CPEB3: variants seen among roughly 807,000 people sequenced by gnomAD.
CPEB3 encodes the protein cytoplasmic polyadenylation element-binding protein 3.
CPEB3 carries 20 observed loss-of-function variants against 67.2 expected under a neutral mutation model. The ratio of observed to expected loss-of-function variants is 0.30; its 90% CI spans 0.21 to 0.43. The LOEUF (loss-of-function observed/expected upper bound fraction) is 0.43. Among genes scored for constraint, CPEB3 ranks in the 20% least tolerant of loss-of-function variants. The pLI is 1.00. For missense variants in CPEB3, 746 were observed against 968.6 expected, an observed-to-expected ratio of 0.77 and a Z score of 3.05; for synonymous variants, 376 against 393.1, an observed-to-expected ratio of 0.96 and a Z score of 0.51.
intron 2 of CPEB3, among the ~76,000 whole-genome samples, chr10:92,218,956 T>A (rs1174941411): frequency 6.6e-6 from 1 of 152,166 alleles, no homozygotes; most frequent in African/African-American, 2.4e-5. Context: ...TCTATATATC[T>A]TTTTATAATA....
At chr10:92,282,761 T>G (rs560419804) in intron 1 of CPEB3, among the ~76,000 whole-genome samples, 5 of 152,296 alleles carry the variant, frequency 3.3e-5, no homozygotes, top group African/African-American at 1.2e-4. Flanking sequence ...CAAAGTCTCC[T>G]CTTAATGTCC....
chr10:92,205,266 T>C (rs925788118), intron 2 of CPEB3, among the ~76,000 whole-genome samples: 10 of 152,096 alleles, frequency 6.6e-5, no homozygotes, highest in African/African-American at 2.4e-4. Flanking sequence ...GAGAGGAAAA[T>C]GGATGTGTAT....
intron 2 of CPEB3, among the ~76,000 whole-genome samples, chr10:92,203,503 T>A (rs1222869591): frequency 7.9e-6 from 1 of 126,446 alleles, no homozygotes; most frequent in Non-Finnish European, 1.6e-5. Flanking sequence ...TATATATATG[T>A]GTGTGTATAT....
intron 2 of CPEB3, among the ~76,000 whole-genome samples, chr10:92,205,369 A>G (rs1181623148): frequency 6.6e-6 from 1 of 151,758 alleles, no homozygotes; most frequent in African/African-American, 2.4e-5. Flanking sequence ...GCTGATGAGT[A>G]TCTCATTGGA....
intron 4 of CPEB3, among the ~76,000 whole-genome samples, chr10:92,171,214 ATT>A (rs1847984941): frequency 1.3e-5 from 2 of 152,218 alleles, no homozygotes. Flanking sequence ...GAAGCTGCTC[ATT>A]CATATCAGCC....
intron 9 of CPEB3, among the ~76,000 whole-genome samples, chr10:92,079,808 G>T (rs1400043588): frequency 6.6e-5 from 10 of 152,140 alleles, no homozygotes; most frequent in African/African-American, 2.4e-4. Flanking sequence ...ATATAGAACA[G>T]ATTTACTACT....
chr10:92,059,284 G>A (rs1220080770), intron 9 of CPEB3, among the ~76,000 whole-genome samples: 4 of 133,298 alleles, frequency 3.0e-5, no homozygotes, highest in South Asian at 2.4e-4. Context: ...GAGATATTGC[G>A]CCATTGCACT....
chr10:92,047,862 CATCT>C lies in CPEB3; in HGVS notation c.*4346_*4349del, dbSNP rs1171890103. 2 of 152,208 alleles carry C rather than the reference CATCT, an allele frequency of 1.3e-5. No homozygotes were observed. The highest frequency in any genetic ancestry group is 4.8e-5 in the African/African-American group (2 of 41,448). The allele number at this position is 152,208 out of a possible 1,614,324, so 9.4% of individuals were successfully genotyped here. A position where few individuals can be genotyped will look rare whatever the true frequency, so the allele number is the denominator to read the frequency against. On this transcript the variant is annotated 3_prime_UTR_variant, in exon 10 of 10. Transcript: ENST00000265997. Reference sequence around the variant, plus strand: ...CCATCAACCACTAGTAGAAACATATCATCTATCTGGATCAAGTCATTGGCTGTTC... The same window carrying C: ...CCATCAACCACTAGTAGAAACATATCATCTGGATCAAGTCATTGGCTGTTC...
At chr10:92,121,505 A>G (rs1845384276) in intron 6 of CPEB3, among the ~76,000 whole-genome samples, 4 of 151,246 alleles carry the variant, frequency 2.6e-5, no homozygotes, top group Admixed American at 2.6e-4. Context: ...TTATTCTTAG[A>G]GCTTTTTTGT....
rs1418409604 is a variant in CPEB3, at chr10:92,065,212, CTTTTTAA to C, written c.1870-12780_1870-12774del. 5.3e-5 allele frequency among the ~76,000 whole-genome samples: 8 copies of C among 152,184 alleles called. No individual in the cohort carries two copies. The East Asian group carries it at 5.8e-4, about 11-fold the overall frequency. On this transcript the variant is annotated intron_variant, in intron 9 of 9. Coordinates refer to ENST00000265997, the MANE Select transcript of CPEB3 (RefSeq NM_014912.5). The stretch of plus-strand genomic sequence containing the variant: ...CAATCAAGAGAAGAGAATTTCTTTA[CTTTTTAA>C]TTTTTAATTTTACTTTTGAGACAGG...
chr10:92,097,212 T>C (rs1170416573), intron 7 of CPEB3, among the ~76,000 whole-genome samples: 5 of 152,220 alleles, frequency 3.3e-5, no homozygotes, highest in Non-Finnish European at 2.9e-5. Flanking sequence ...GAAATTCAGA[T>C]TTTTAAGTGA....
chr10:92,267,730 T>C (rs1853125258), intron 1 of CPEB3, among the ~76,000 whole-genome samples: 1 of 152,198 alleles, frequency 6.6e-6, no homozygotes. Context: ...ACACCTCCAA[T>C]GAAAGCCATG....
At chr10:92,245,331 T>C (rs1169268678) in intron 1 of CPEB3, among the ~76,000 whole-genome samples, 2 of 151,800 alleles carry the variant, frequency 1.3e-5, no homozygotes, top group East Asian at 3.9e-4. Flanking sequence ...AGAGACAAGG[T>C]TTCACAACAG....
chr10:92,138,294 G>A (rs1481533590), intron 6 of CPEB3: 1 of 220,052 alleles, frequency 4.5e-6, no homozygotes, highest in African/African-American at 2.3e-5. Context: ...AAGAAGACAA[G>A]AGGACTCTTT....
At chr10:92,258,645 T>TATATAC (rs1852641537) in intron 1 of CPEB3, among the ~76,000 whole-genome samples, 1 of 32,544 alleles carries the variant, frequency 3.1e-5, no homozygotes, top group African/African-American at 6.1e-5. Flanking sequence ...TATATATATA[T>TATATAC]ATATATATAT....
At chr10:92,107,516 T>C (rs1844531376) in intron 7 of CPEB3, among the ~76,000 whole-genome samples, 1 of 152,238 alleles carries the variant, frequency 6.6e-6, no homozygotes, top group Non-Finnish European at 1.5e-5. Flanking sequence ...CTAGACCTTC[T>C]AGGTCCCTTG....
At position 92,234,644 on chromosome 10, in the gene CPEB3, A is replaced by G. The variant is rs183314788; in HGVS notation, c.1005+4702T>C. On this transcript the variant is annotated intron_variant, in intron 2 of 9. Transcript: ENST00000265997. ...TTTATTTGTCAATATAACAAGGATA[A>G]TAGGCCGGGCACAGTGGCTCATGCC... is the stretch of plus-strand genomic sequence containing the variant. Among the ~76,000 whole-genome samples, 478 of 152,310 alleles carry G rather than the reference A, an allele frequency of 3.1e-3. 2 individuals carry two copies. The highest frequency in any genetic ancestry group is 5.5e-3 in the Non-Finnish European group (376 of 68,024).
chr10:92,064,808 T>A (rs1459783024), intron 9 of CPEB3, among the ~76,000 whole-genome samples: 1 of 152,200 alleles, frequency 6.6e-6, no homozygotes, highest in African/African-American at 2.4e-5. Context: ...AACTAGAGGC[T>A]GTCCCGTGGT....
chr10:92,111,238 A>T, intron 6 of CPEB3, 44 bp from the exon 7 acceptor site: 3 of 1,219,946 alleles, frequency 2.5e-6, no homozygotes, highest in Non-Finnish European at 3.6e-6. Context: ...GAATCAGTAC[A>T]TTAAACTCAA....
Sources: gnomAD v4.1 joint callset for allele counts (sites outside exome capture counted in the v4.1 genomes callset) on GRCh38, gnomAD v4.1.1 for gene constraint, MANE v1.5 for transcripts, NCBI Gene and HGNC (gene_info 2026-07-23, HGNC 2026-07-21) for gene names.